The following CSPP1 variants were observed in gnomAD, a reference collection of about 807,000 sequenced individuals.
CSPP1 encodes centrosome and spindle pole associated protein 1.
In CSPP1, 126 loss-of-function variants were observed where a neutral mutation model predicts 164.4. That is an observed-to-expected ratio of 0.77 (90% CI 0.66 to 0.89). The LOEUF (loss-of-function observed/expected upper bound fraction) is 0.89. Among genes scored for constraint, CSPP1 ranks in the 40% least tolerant of loss-of-function variants. CSPP1 has a pLI of 0.00. For missense variants in CSPP1, 1,395 were observed against 1,449.8 expected, an observed-to-expected ratio of 0.96 and a Z score of 0.61; for synonymous variants, 472 against 476.7, an observed-to-expected ratio of 0.99 and a Z score of 0.13.
intron 17 of CSPP1, among the ~76,000 whole-genome samples, chr8:67,142,900 A>G (rs949321930): frequency 1.3e-5 from 2 of 152,162 alleles, no homozygotes; most frequent in African/African-American, 2.4e-5. Context: ...AGCTTTTTCT[A>G]TTGTGAAATT....
In CSPP1 at chr8:67,153,240, TA is replaced by T. The variant is rs372210297; in HGVS notation, c.2129-783del. Among the ~76,000 whole-genome samples the T allele has an allele frequency of 1.5e-3, 229 of 152,276 alleles. 1 individual carries two copies. Among genetic ancestry groups the T allele is most frequent in the African/African-American group, 5.4e-3 (223 of 41,558 alleles). On this transcript the variant is annotated intron_variant, in intron 18 of 30. Coordinates refer to ENST00000678616, the MANE Select transcript of CSPP1 (RefSeq NM_001382391.1). ...AGAAATACATGCTTTAGTTTAATGG[TA>T]TAAAGAATGAGTCAGAAACTCAAAA...
rs545181762 is a variant in CSPP1, at chr8:67,191,202, C to G, written c.3330+443C>G. On this transcript the variant is annotated intron_variant, in intron 29 of 30. Coordinates refer to ENST00000678616, the MANE Select transcript of CSPP1 (RefSeq NM_001382391.1). ...ATGTTCTCCTCACTCTGCTCCCCAG[C>G]TTTACAATATAGCCAGTAAAAAGTA... 2.6e-5 allele frequency among the ~76,000 whole-genome samples: 4 copies of G among 152,346 alleles called. No individual in the cohort carries two copies. The East Asian group carries it at 7.7e-4, about 29-fold the overall frequency.
chr8:67,066,054 G>A (rs1445888568), intron 1 of CSPP1, among the ~76,000 whole-genome samples: 2 of 152,178 alleles, frequency 1.3e-5, no homozygotes, highest in African/African-American at 4.8e-5. Flanking sequence ...GTTTGAGCAA[G>A]TGTTTCAGCA....
At chr8:67,151,430 T>C (rs1221352040) in intron 18 of CSPP1, among the ~76,000 whole-genome samples, 13 of 152,210 alleles carry the variant, frequency 8.5e-5, no homozygotes, top group Admixed American at 7.2e-4. Flanking sequence ...GAGATCTCAT[T>C]GCCATACAGA....
At chr8:67,089,836 T>C (rs902826358) in intron 4 of CSPP1, among the ~76,000 whole-genome samples, 1 of 151,574 alleles carries the variant, frequency 6.6e-6, no homozygotes, top group Non-Finnish European at 1.5e-5. Flanking sequence ...AAAAAAGTTT[T>C]TTTTTTGTTT....
At position 67,193,570 on chromosome 8, in the gene CSPP1, T is replaced by G. The variant is rs1837026330; in HGVS notation, c.3437T>G (p.Leu1146Arg). 6.2e-7 allele frequency: 1 copy of G among 1,613,756 alleles called. No homozygotes were observed. The highest frequency in any genetic ancestry group is 1.3e-5 in the African/African-American group (1 of 75,058). The part of the protein sequence containing the change: ...RVRNEERMRR[L>R]NEFHNKPINT... ...AGAAATGAGGAACGAATGCGAAGAC[T>G]GAATGAATTTCACAATAAACCTATT... Residue 1146 changes from leucine (L) to arginine (R), a missense_variant, in exon 30 of 31, where the codon CTG (leucine) becomes CGG (arginine). By Grantham distance (102) the Leu-to-Arg change is moderately radical. Coordinates refer to ENST00000678616, the MANE Select transcript of CSPP1 (RefSeq NM_001382391.1).
At chr8:67,093,065 A>G (rs1811957073) in intron 5 of CSPP1, among the ~76,000 whole-genome samples, 1 of 152,156 alleles carries the variant, frequency 6.6e-6, no homozygotes, top group African/African-American at 2.4e-5. Context: ...CCTGGCAAAC[A>G]CAATCATCAT....
intron 24 of CSPP1, among the ~76,000 whole-genome samples, chr8:67,166,631 A>G (rs1039316615): frequency 3.3e-5 from 5 of 152,004 alleles, no homozygotes; most frequent in African/African-American, 1.2e-4. Context: ...ATTGAGAGGT[A>G]GTGTTTTTTT....
rs528876515 is a variant in CSPP1, at chr8:67,101,432, T to C, written c.924-1605T>C. Among the ~76,000 whole-genome samples the C allele has an allele frequency of 3.3e-5, 5 of 152,316 alleles. No homozygotes were observed. In the South Asian group the frequency reaches 8.3e-4, roughly 25 times the overall value. On this transcript the variant is annotated intron_variant, in intron 7 of 30. Coordinates refer to ENST00000678616, the MANE Select transcript of CSPP1 (RefSeq NM_001382391.1). ...GTCTCAGGCCTGCTCTGTTAACGCTTTTCTGCATTATATATAAATATCCAG... is the reference window on the plus strand; with the variant it reads ...GTCTCAGGCCTGCTCTGTTAACGCTCTTCTGCATTATATATAAATATCCAG...
At chr8:67,091,757 A>G (rs1235447122) in intron 4 of CSPP1, 46 bp from the exon 5 acceptor site, 4 of 624,308 alleles carry the variant, frequency 6.4e-6, no homozygotes, top group Non-Finnish European at 1.0e-5. Context: ...AACATATTTT[A>G]TAAAGGCAAT....
At chr8:67,103,222 A>G (rs1489059367) in intron 8 of CSPP1, 87 bp downstream of exon 8, 4 of 725,154 alleles carry the variant, frequency 5.5e-6, no homozygotes, top group Non-Finnish European at 9.3e-6. Context: ...AAAAGTAGAA[A>G]GATACAGTAA....
chr8:67,095,658 T>G lies in CSPP1; in HGVS notation c.849T>G (p.Ser283Arg), dbSNP rs201797415. 3.3e-5 allele frequency: 53 copies of G among 1,612,952 alleles called. No individual in the cohort carries two copies. In the African/African-American group the frequency reaches 6.8e-4, roughly 21 times the overall value. Reference sequence around the variant, plus strand: ...GACCAGACCAAGATCCTGAAGTAAGTGAAGAAATGGATGAGAGGTTTAGAT... The same window carrying G: ...GACCAGACCAAGATCCTGAAGTAAGGGAAGAAATGGATGAGAGGTTTAGAT... ...YHRPDQDPEVSEEMDERFRYE... is the reference protein window; with the variant it reads ...YHRPDQDPEVREEMDERFRYE... Residue 283 changes from serine to arginine, a missense_variant, in exon 7 of 31, where the codon AGT becomes AGG. Ser to Arg is a moderately radical substitution (Grantham distance 110, BLOSUM62 -1). Transcript: ENST00000678616.
chr8:67,181,210 T>A lies in CSPP1; in HGVS notation c.3220+1284T>A, dbSNP rs1832939718. ...CACCACGATACCTGGTTATCTTTTTTATTTTTTTGTAGAGATGAGGTCTCC... is the reference window on the plus strand; with the variant it reads ...CACCACGATACCTGGTTATCTTTTTAATTTTTTTGTAGAGATGAGGTCTCC... On this transcript the variant is annotated intron_variant, in intron 28 of 30. Transcript: ENST00000678616. Among the ~76,000 whole-genome samples, 4 of 151,914 alleles carry A rather than the reference T, an allele frequency of 2.6e-5. No homozygotes were observed. In the South Asian group the frequency reaches 8.3e-4, roughly 32 times the overall value.
intron 19 of CSPP1, among the ~76,000 whole-genome samples, chr8:67,156,512 G>A (rs1199097524): frequency 1.3e-5 from 2 of 152,052 alleles, no homozygotes; most frequent in Non-Finnish European, 2.9e-5. Flanking sequence ...TTTTCTTTCA[G>A]CAGCCTCTTC....
chr8:67,073,445 G>A (rs1807263358), intron 1 of CSPP1, among the ~76,000 whole-genome samples: 2 of 152,078 alleles, frequency 1.3e-5, no homozygotes, highest in Non-Finnish European at 2.9e-5. Flanking sequence ...AAAAGACAAA[G>A]AAAGATGGTA....
intron 28 of CSPP1, among the ~76,000 whole-genome samples, chr8:67,187,699 T>C (rs776265191): frequency 1.3e-5 from 2 of 151,798 alleles, no homozygotes; most frequent in African/African-American, 2.4e-5. Context: ...AAGAAAGAAA[T>C]AGACTCACGC....
intron 3 of CSPP1, among the ~76,000 whole-genome samples, chr8:67,077,534 G>C (rs947807978): frequency 6.6e-6 from 1 of 152,028 alleles, no homozygotes; most frequent in Non-Finnish European, 1.5e-5. Context: ...ACAGGGTTTC[G>C]CAGTGTTGGC....
At chr8:67,193,739 G>A in intron 30 of CSPP1, 137 bp downstream of exon 30, 1 of 638,180 alleles carries the variant, frequency 1.6e-6, no homozygotes, top group South Asian at 2.7e-5. Flanking sequence ...CCAAGACATA[G>A]TAACTATTGA....
chr8:67,141,881 G>T (rs1427349378), intron 17 of CSPP1, among the ~76,000 whole-genome samples: 1 of 152,236 alleles, frequency 6.6e-6, no homozygotes, highest in Non-Finnish European at 1.5e-5. Flanking sequence ...GCAGTGTGAT[G>T]ACTAAGACCA....
Sources: gnomAD v4.1 joint callset for allele counts (sites outside exome capture counted in the v4.1 genomes callset) on GRCh38, gnomAD v4.1.1 for gene constraint, MANE v1.5 for transcripts, NCBI Gene and HGNC (gene_info 2026-07-23, HGNC 2026-07-21) for gene names.